The following EPHB1 variants were observed in gnomAD, a reference collection of about 807,000 sequenced individuals.
The protein encoded by EPHB1 is ephrin type-B receptor 1.
In EPHB1, 30 loss-of-function variants were observed where a neutral mutation model predicts 94.4. The observed-to-expected ratio is 0.32, with a 90% CI of 0.24 to 0.43. The LOEUF (loss-of-function observed/expected upper bound fraction) is 0.43. Among genes scored for constraint, EPHB1 ranks in the 20% least tolerant of loss-of-function variants. The probability of loss-of-function intolerance (pLI) is 1.00; values close to 1 mark genes in which losing one functional copy is unlikely to be tolerated. For synonymous variants in EPHB1, 522 were observed against 489.1 expected (o/e 1.07, Z -0.89); for missense variants, 1,055 against 1,308.3 (o/e 0.81, Z 2.99).
At chr3:135,217,776 A>G (rs1253133235) in intron 12 of EPHB1, among the ~76,000 whole-genome samples, 3 of 152,188 alleles carry the variant, frequency 2.0e-5, no homozygotes, top group Admixed American at 6.5e-5. Context: ...GCAGAAAATT[A>G]TCTCCAAGAT....
intron 3 of EPHB1, among the ~76,000 whole-genome samples, chr3:134,994,859 A>G (rs1404982692): frequency 1.3e-5 from 2 of 152,226 alleles, no homozygotes; most frequent in Non-Finnish European, 2.9e-5. Context: ...AGAAAAACCC[A>G]TTTACCCTTC....
intron 9 of EPHB1, among the ~76,000 whole-genome samples, chr3:135,169,841 C>A (rs1941754207): frequency 6.6e-6 from 1 of 152,212 alleles, no homozygotes; most frequent in Admixed American, 6.5e-5. Context: ...AGACTACACA[C>A]CCTCTAAGCC....
chr3:135,124,058 C>G (rs1223010285), intron 4 of EPHB1, among the ~76,000 whole-genome samples: 1 of 151,688 alleles, frequency 6.6e-6, no homozygotes, highest in Admixed American at 6.6e-5. Context: ...GCCTCCCCCA[C>G]TACCTTTCTA....
chr3:135,152,875 G>T (rs947264540), intron 5 of EPHB1, among the ~76,000 whole-genome samples: 3 of 152,274 alleles, frequency 2.0e-5, no homozygotes, highest in East Asian at 3.9e-4. Flanking sequence ...ACTCTGAGAG[G>T]TGCATTTCAC....
At position 135,132,762 on chromosome 3, in the gene EPHB1, C is replaced by G. The variant is rs2107687182; in HGVS notation, c.1010C>G (p.Ser337Cys). 6.2e-7 allele frequency: 1 copy of G among 1,610,790 alleles called. No individual in the cohort carries two copies. Among genetic ancestry groups the G allele is most frequent in the South Asian group, 1.1e-5 (1 of 90,918 alleles). The part of the protein sequence containing the change: ...RNVISIVNET[S>C]IILEWHPPRE... ...GTTATCTCCATCGTCAATGAGACGT[C>G]CATCATTCTGGAGTGGCACCCTCCA... is the stretch of plus-strand genomic sequence containing the variant. The change falls in exon 5 of 16, where the codon TCC becomes TGC. Residue 337 changes from serine to cysteine, a missense_variant. Ser to Cys is a moderately radical substitution (Grantham distance 112). Coordinates refer to ENST00000398015, the MANE Select transcript of EPHB1 (RefSeq NM_004441.5).
chr3:135,074,192 A>G (rs1180872936), intron 3 of EPHB1, among the ~76,000 whole-genome samples: 4 of 152,222 alleles, frequency 2.6e-5, no homozygotes, highest in Non-Finnish European at 5.9e-5. Context: ...TAAATGCTTG[A>G]TTCTCTGTCT....
At chr3:135,160,942 TGA>T (rs1941488385) in intron 6 of EPHB1, among the ~76,000 whole-genome samples, 1 of 152,144 alleles carries the variant, frequency 6.6e-6, no homozygotes, top group African/African-American at 2.4e-5. Context: ...TAGGGGAATG[TGA>T]GAGATTGGAA....
At chr3:134,982,422 A>G (rs1190856392) in intron 3 of EPHB1, among the ~76,000 whole-genome samples, 1 of 152,208 alleles carries the variant, frequency 6.6e-6, no homozygotes, top group Non-Finnish European at 1.5e-5. Flanking sequence ...CATGGAATGC[A>G]AATCTTGCCA....
At chr3:134,911,795 C>T (rs1245502448) in intron 1 of EPHB1, among the ~76,000 whole-genome samples, 1 of 152,194 alleles carries the variant, frequency 6.6e-6, no homozygotes, top group African/African-American at 2.4e-5. Context: ...TCCAGGAGAA[C>T]TTGAGAGCCT....
intron 9 of EPHB1, among the ~76,000 whole-genome samples, chr3:135,168,526 T>C (rs1941718021): frequency 6.6e-6 from 1 of 152,350 alleles, no homozygotes; most frequent in Admixed American, 6.5e-5. Context: ...TGTTGGCCTG[T>C]GCATTAGCCC....
At chr3:135,085,222 G>C (rs867445267) in intron 3 of EPHB1, among the ~76,000 whole-genome samples, 1 of 152,176 alleles carries the variant, frequency 6.6e-6, no homozygotes, top group African/African-American at 2.4e-5. Flanking sequence ...TTAACACAAA[G>C]AGGCAATGAG....
chr3:134,810,938 G>T (rs2036160871), intron 1 of EPHB1, among the ~76,000 whole-genome samples: 1 of 152,146 alleles, frequency 6.6e-6, no homozygotes. Context: ...GTTGAGTTGG[G>T]TTAAAGACTT....
At chr3:135,146,702 G>A (rs1007176335) in intron 5 of EPHB1, among the ~76,000 whole-genome samples, 1 of 152,194 alleles carries the variant, frequency 6.6e-6, no homozygotes, top group Non-Finnish European at 1.5e-5. Context: ...AAGCCCATTT[G>A]TATCTATCAC....
intron 4 of EPHB1, among the ~76,000 whole-genome samples, chr3:135,122,575 T>C (rs1338641771): frequency 1.3e-5 from 2 of 152,220 alleles, no homozygotes; most frequent in Admixed American, 1.3e-4. Context: ...CCTACTGAGG[T>C]GCACTGCCTC....
At chr3:135,234,256 G>C (rs560528651) in intron 12 of EPHB1, among the ~76,000 whole-genome samples, 56 of 152,290 alleles carry the variant, frequency 3.7e-4, no homozygotes, top group African/African-American at 1.2e-3. Context: ...CTCTAGGGCA[G>C]GGGCAAAAAG....
chr3:134,809,825 G>A (rs2036134582), intron 1 of EPHB1, among the ~76,000 whole-genome samples: 1 of 152,226 alleles, frequency 6.6e-6, no homozygotes, highest in African/African-American at 2.4e-5. Context: ...GCTGCCCTCT[G>A]ATATGTTTTC....
rs745760849 is a variant in EPHB1, at chr3:135,052,909, A to ATGTG, written c.806-53519_806-53516dup. Among the ~76,000 whole-genome samples, 188 of 68,842 alleles carry ATGTG rather than the reference A, an allele frequency of 2.7e-3. 9 individuals are homozygous for ATGTG. Among genetic ancestry groups the ATGTG allele is most frequent in the African/African-American group, 0.013 (166 of 12,972 alleles). 45.2% of individuals were successfully genotyped at this position (68,842 alleles called of 152,430 possible). Reference sequence around the variant, plus strand: ...AAAAAAAATATATATATATATATATATGTGTGTGTGTGTGTGTGTGTGTAT... The same window carrying ATGTG: ...AAAAAAAATATATATATATATATATATGTGTGTGTGTGTGTGTGTGTGTGTGTAT... On this transcript the variant is annotated intron_variant, in intron 3 of 15. Transcript: ENST00000398015.
At chr3:135,119,261 C>T (rs1939845319) in intron 4 of EPHB1, among the ~76,000 whole-genome samples, 1 of 152,220 alleles carries the variant, frequency 6.6e-6, no homozygotes, top group East Asian at 1.9e-4. Context: ...TCCAGCCCTC[C>T]ATTTATTTTT....
At chr3:135,217,406 G>GA (rs1943171531) in intron 12 of EPHB1, among the ~76,000 whole-genome samples, 1 of 147,370 alleles carries the variant, frequency 6.8e-6, no homozygotes. Context: ...AGCCTGCAAT[G>GA]AATAACTCCC....
Sources: allele counts gnomAD v4.1 joint callset (sites outside exome capture counted in the v4.1 genomes callset), GRCh38; gene constraint gnomAD v4.1.1; transcripts MANE v1.5; gene names NCBI Gene and HGNC (gene_info 2026-07-23, HGNC 2026-07-21).